The following LILRA2 variants were observed in gnomAD, a reference collection of about 807,000 sequenced individuals.
LILRA2 encodes leukocyte immunoglobulin like receptor A2.
Under a neutral mutation model 47.9 loss-of-function variants are expected in LILRA2, and 45 were observed. The observed-to-expected ratio is 0.94, with a 90% CI of 0.74 to 1.20. The LOEUF is 1.20. LILRA2 is among the 50% of genes most tolerant of loss of function. The probability of loss-of-function intolerance (pLI) is 0.00; values close to 1 mark genes in which losing one functional copy is unlikely to be tolerated. For missense variants in LILRA2, 651 were observed against 598.2 expected, an observed-to-expected ratio of 1.09 and a Z score of -0.92; for synonymous variants, 279 against 249.2, an observed-to-expected ratio of 1.12 and a Z score of -1.13.
chr19:54,573,254 G>A (rs1378336769), upstream of LILRA2: 3 of 460,590 alleles, frequency 6.5e-6, no homozygotes, highest in East Asian at 4.2e-5. Context: ...GAAGTGCTGG[G>A]ATTCCAGGCA....
intron 3 of LILRA2, 29 bp downstream of exon 3, chr19:54,574,611 C>T (rs866746489): frequency 1.2e-6 from 2 of 1,611,608 alleles, no homozygotes; most frequent in Non-Finnish European, 1.7e-6. Context: ...GTCCCAGCCC[C>T]AGGCTCTGCC....
chr19:54,587,496 A>G lies in LILRA2; in HGVS notation c.*150A>G. The G allele has an allele frequency of 1.6e-6, 2 of 1,276,346 alleles. No individual in the cohort carries two copies. The highest frequency in any genetic ancestry group is 2.1e-6 in the Non-Finnish European group (2 of 942,232). The allele number at this position is 1,276,346 out of a possible 1,614,324, so 79.1% of individuals were successfully genotyped here. ...GAGACAGCAATCAATATTTGAGTGT[A>G]AGGAAACTGTCTGGGGTGATTCCTA... On this transcript the variant is annotated 3_prime_UTR_variant, in exon 8 of 8. Transcript: ENST00000391738.
Position 54,587,626 on chromosome 19 carries a change from G to T in LILRA2, c.*280G>T. The T allele has an allele frequency of 1.9e-6, 1 of 531,212 alleles. No individual in the cohort carries two copies. Among genetic ancestry groups the T allele is most frequent in the Non-Finnish European group, 3.3e-6 (1 of 299,560 alleles). The allele number at this position is 531,212 out of a possible 1,614,324, so 32.9% of individuals were successfully genotyped here. ...CCAGACATGAGGCTCCATCCCACAT[G>T]GCACCGTTGGGTCCACACCTCCACA... On this transcript the variant is annotated 3_prime_UTR_variant, in exon 8 of 8. Transcript: ENST00000391738.
At position 54,574,970 on chromosome 19, in the gene LILRA2, T is replaced by A; in HGVS notation, c.592T>A (p.Tyr198Asn). 2 of 1,614,214 alleles carry A rather than the reference T, an allele frequency of 1.2e-6. No individual in the cohort carries two copies. Among genetic ancestry groups the A allele is most frequent in the African/African-American group, 2.7e-5 (2 of 75,086 alleles). ...SRRWSYRCYAYDSNSPYVWSL... is the reference protein window; with the variant it reads ...SRRWSYRCYANDSNSPYVWSL... Reference sequence around the variant, plus strand: ...CAGGTGGTCGTACAGGTGCTATGCTTATGACTCGAACTCTCCCTATGTGTG... The same window carrying A: ...CAGGTGGTCGTACAGGTGCTATGCTAATGACTCGAACTCTCCCTATGTGTG... The change falls in exon 4 of 8, where the codon TAT (tyrosine) becomes AAT (asparagine). Residue 198 changes from tyrosine to asparagine, a missense_variant. Coordinates refer to ENST00000391738, the MANE Select transcript of LILRA2 (RefSeq NM_001130917.3).
At chr19:54,584,834 TC>T (rs1160467968) in intron 6 of LILRA2, among the ~76,000 whole-genome samples, 1 of 152,178 alleles carries the variant, frequency 6.6e-6, no homozygotes, top group Admixed American at 6.5e-5. Flanking sequence ...GGAGCTGCGA[TC>T]CTTTGGAAGA....
chr19:54,575,525 A>G lies in LILRA2; in HGVS notation c.925A>G (p.Ser309Gly). 1.2e-6 allele frequency: 2 copies of G among 1,612,416 alleles called. No individual in the cohort carries two copies. Among genetic ancestry groups the G allele is most frequent in the Non-Finnish European group, 8.5e-7 (1 of 1,179,912 alleles). Residue 309 changes from serine (S) to glycine (G), a missense_variant, in exon 5 of 8, where the codon AGT becomes GGT. Transcript: ENST00000391738. ...CCTCTCCTCCGAGTGGTCGGCCCCC[A>G]GTGACCCCCTGGACATCCTGATCAC... Reference protein sequence around the residue: ...HNLSSEWSAPSDPLDILITGQ... With the variant: ...HNLSSEWSAPGDPLDILITGQ...
Position 54,576,083 on chromosome 19 carries a change from G to A in LILRA2, c.1229G>A (p.Ser410Asn), listed in dbSNP as rs1491001822. ...SSNPYLLSLP[S>N]DPLELVVSEA... is the part of the protein sequence containing the mutation. ...AACCCCTACCTGCTGTCTCTCCCCA[G>A]TGACCCCCTGGAGCTCGTGGTCTCA... Residue 410 changes from serine to asparagine, a missense_variant, in exon 6 of 8, where the codon AGT becomes AAT. By Grantham distance (46) the Ser-to-Asn change is conservative. Transcript: ENST00000391738. The A allele has an allele frequency of 6.2e-7, 1 of 1,614,190 alleles. No homozygotes were observed. Among genetic ancestry groups the A allele is most frequent in the Non-Finnish European group, 8.5e-7 (1 of 1,180,014 alleles).
Position 54,575,488 on chromosome 19 carries a change from C to CGT in LILRA2, c.888_889insGT (p.Ser297ValfsTer20). The CGT allele has an allele frequency of 6.2e-7, 1 of 1,612,964 alleles. No homozygotes were observed. Among genetic ancestry groups the CGT allele is most frequent in the Non-Finnish European group, 8.5e-7 (1 of 1,179,896 alleles). ...CCCACGGGGGCCAGTACAGATGCTA[C>CGT]AGTGCACACAACCTCTCCTCCGAGT... is the stretch of plus-strand genomic sequence containing the variant. On this transcript the variant is annotated frameshift_variant, in exon 5 of 8. Coordinates refer to ENST00000391738, the MANE Select transcript of LILRA2 (RefSeq NM_001130917.3). LOFTEE classifies it high-confidence loss of function.
chr19:54,578,107 T>C (rs1262531990), intron 6 of LILRA2, among the ~76,000 whole-genome samples: 3 of 149,992 alleles, frequency 2.0e-5, no homozygotes, highest in Non-Finnish European at 4.4e-5. Context: ...ATAAGTGAGG[T>C]ATTTGATTTC....
rs944275459 is a variant in LILRA2, at chr19:54,590,125, A to T, written c.*2779A>T. 2.0e-5 allele frequency: 3 copies of T among 152,232 alleles called. No individual in the cohort carries two copies. Among genetic ancestry groups the T allele is most frequent in the African/African-American group, 7.2e-5 (3 of 41,454 alleles). 9.4% of individuals were successfully genotyped at this position (152,232 alleles called of 1,614,324 possible). A position where few individuals can be genotyped will look rare whatever the true frequency, so the allele number is the denominator to read the frequency against. ...TTCCTTTGCAAGTATTTATTGACTA[A>T]CATACTCCTTATTTCCTTCATTCTG... On this transcript the variant is annotated 3_prime_UTR_variant, in exon 8 of 8. Coordinates refer to ENST00000391738, the MANE Select transcript of LILRA2 (RefSeq NM_001130917.3).
chr19:54,580,192 C>CT (rs1203757541), intron 6 of LILRA2, among the ~76,000 whole-genome samples: 10,488 of 111,886 alleles, frequency 0.094, 703 homozygotes, highest in African/African-American at 0.17. Flanking sequence ...TGCCGGTTTT[C>CT]TTTTCTTTTT....
At chr19:54,579,655 G>A (rs1407653699) in intron 6 of LILRA2, among the ~76,000 whole-genome samples, 2 of 152,140 alleles carry the variant, frequency 1.3e-5, no homozygotes, top group African/African-American at 4.8e-5. Flanking sequence ...GAAAGTCAGT[G>A]GTAGCTTGAT....
At chr19:54,577,807 C>G in intron 6 of LILRA2, 1 of 910,366 alleles carries the variant, frequency 1.1e-6, no homozygotes, top group South Asian at 2.4e-5. Context: ...TACTTTTTTT[C>G]TAAAACTTTT....
intron 6 of LILRA2, among the ~76,000 whole-genome samples, chr19:54,584,265 T>C (rs536892660): frequency 6.6e-6 from 1 of 152,298 alleles, no homozygotes; most frequent in East Asian, 1.9e-4. Context: ...GTTGCTCTTC[T>C]CAAGGAGTGT....
In LILRA2 at chr19:54,575,323, C is replaced by T. The variant is rs1301775543; in HGVS notation, c.723C>T (p.Thr241=). ...TGGTGGCCCCTGGGGAGAGCCTGAC[C>T]CTCCAGTGTGTCTCTGATGTCGGCT... The part of the protein sequence containing the change: ...GPMVAPGESL[T]LQCVSDVGYD... Residue 241 remains threonine (T), a synonymous_variant, in exon 5 of 8, where the codon ACC becomes ACT. Coordinates refer to ENST00000391738, the MANE Select transcript of LILRA2 (RefSeq NM_001130917.3). 7.4e-6 allele frequency: 12 copies of T among 1,614,046 alleles called. No homozygotes were observed. The highest frequency in any genetic ancestry group is 9.3e-6 in the Non-Finnish European group (11 of 1,179,946).
At position 54,589,303 on chromosome 19, in the gene LILRA2, A is replaced by C. The variant is rs1443553906; in HGVS notation, c.*1957A>C. 2 of 151,074 alleles carry C rather than the reference A, an allele frequency of 1.3e-5. No individual in the cohort carries two copies. The highest frequency in any genetic ancestry group is 4.8e-5 in the African/African-American group (2 of 41,426). 9.4% of individuals were successfully genotyped at this position (151,074 alleles called of 1,614,324 possible). On this transcript the variant is annotated 3_prime_UTR_variant, in exon 8 of 8. Coordinates refer to ENST00000391738, the MANE Select transcript of LILRA2 (RefSeq NM_001130917.3). Reference sequence around the variant, plus strand: ...TAGGGGGAACAAGTCAATTTATGACAGTGTCTACAAGAAAAGTATGCATAG... The same window carrying C: ...TAGGGGGAACAAGTCAATTTATGACCGTGTCTACAAGAAAAGTATGCATAG...
chr19:54,579,615 C>A lies in LILRA2; in HGVS notation c.1255+3506C>A, dbSNP rs142999657. Reference sequence around the variant, plus strand: ...GGGCTTTTTTTTGGTTCCATATGAACTTTAAAGTAGTTTTTTCCAATTATG... The same window carrying A: ...GGGCTTTTTTTTGGTTCCATATGAAATTTAAAGTAGTTTTTTCCAATTATG... On this transcript the variant is annotated intron_variant, in intron 6 of 7. Coordinates refer to ENST00000391738, the MANE Select transcript of LILRA2 (RefSeq NM_001130917.3). Among the ~76,000 whole-genome samples, 992 of 152,140 alleles carry A rather than the reference C, an allele frequency of 6.5e-3. 8 individuals are homozygous for A. The highest frequency in any genetic ancestry group is 0.031 in the South Asian group (148 of 4,822).
Position 54,589,548 on chromosome 19 carries a change from A to G in LILRA2, c.*2202A>G, listed in dbSNP as rs2062891287. ...AACCAAAGAGATGCAATACGTATAC[A>G]TTGACAATTTTAAAATACTGCTCAA... On this transcript the variant is annotated 3_prime_UTR_variant, in exon 8 of 8. Coordinates refer to ENST00000391738, the MANE Select transcript of LILRA2 (RefSeq NM_001130917.3). The G allele has an allele frequency of 6.6e-6, 1 of 152,212 alleles. No homozygotes were observed. Among genetic ancestry groups the G allele is most frequent in the East Asian group, 1.9e-4 (1 of 5,200 alleles). The allele number at this position is 152,212 out of a possible 1,614,324, so 9.4% of individuals were successfully genotyped here.
At chr19:54,582,357 C>T (rs2062667509) in intron 6 of LILRA2, among the ~76,000 whole-genome samples, 1 of 152,154 alleles carries the variant, frequency 6.6e-6, no homozygotes, top group Non-Finnish European at 1.5e-5. Flanking sequence ...GTGGTACCAG[C>T]TCCTCTTTGT....
Sources: allele counts gnomAD v4.1 joint callset (sites outside exome capture counted in the v4.1 genomes callset), GRCh38; gene constraint gnomAD v4.1.1; transcripts MANE v1.5; gene names NCBI Gene and HGNC (gene_info 2026-07-23, HGNC 2026-07-21).